Variants in PSMD5 observed in about 807,000 individuals in gnomAD.
PSMD5 encodes proteasome 26S subunit, non-ATPase 5, also known as 26S proteasome non-ATPase regulatory subunit 5.
In PSMD5, 40 loss-of-function variants were observed where a neutral mutation model predicts 52.1. The ratio of observed to expected loss-of-function variants is 0.77; its 90% CI spans 0.60 to 1.00. The LOEUF is 1.00. Among genes scored for constraint, PSMD5 ranks in the 50% least tolerant of loss-of-function variants. PSMD5 has a pLI of 0.00. For missense variants in PSMD5, 575 were observed against 605.2 expected (o/e 0.95, Z 0.52); for synonymous variants, 211 against 226.6 (o/e 0.93, Z 0.62).
chr9:120,842,548 GCAC>G, intron 1 of PSMD5, 186 bp downstream of exon 1: 1 of 669,890 alleles, frequency 1.5e-6, no homozygotes, highest in Non-Finnish European at 2.5e-6. Flanking sequence ...ACACCCTGGG[GCAC>G]TCTCAGAGGC....
chr9:120,841,027 C>T (rs1194466288), intron 1 of PSMD5, among the ~76,000 whole-genome samples: 1 of 152,146 alleles, frequency 6.6e-6, no homozygotes, highest in Non-Finnish European at 1.5e-5. Flanking sequence ...GTTGGGAATA[C>T]AGGCGTGAGC....
intron 1 of PSMD5, among the ~76,000 whole-genome samples, chr9:120,834,251 A>G (rs559798707): frequency 6.6e-6 from 1 of 152,242 alleles, no homozygotes; most frequent in South Asian, 2.1e-4. Context: ...AAGTGCTGGG[A>G]TTACAGGTGT....
chr9:120,842,877 C>T lies in PSMD5; in HGVS notation c.33G>A (p.Glu11=), dbSNP rs375495251. 6.3e-6 allele frequency: 10 copies of T among 1,599,916 alleles called. No homozygotes were observed. In the African/African-American group the frequency reaches 9.4e-5, roughly 15 times the overall value. ...CCAGCGGCGCTTCCAGCCTCGCTAC[C>T]TCTCTCAGCAGCGCCAAAGCCTGGG... MAAQALALLR[E]VARLEAPLEE... The change falls in exon 1 of 10, where the codon GAG becomes GAA. Residue 11 remains glutamate, a synonymous_variant. Transcript: ENST00000210313.
At chr9:120,818,205 A>C in intron 9 of PSMD5, 42 bp from the exon 10 acceptor site, 1 of 1,568,572 alleles carries the variant, frequency 6.4e-7, no homozygotes, top group Non-Finnish European at 8.7e-7. Context: ...CCTGAGTGGA[A>C]GTTGTTTGTT....
chr9:120,827,907 G>A (rs187319508), intron 5 of PSMD5, among the ~76,000 whole-genome samples: 5 of 152,328 alleles, frequency 3.3e-5, no homozygotes, highest in East Asian at 1.9e-4. Flanking sequence ...AGGGAATAGC[G>A]GGTGGAAGAG....
Position 120,824,619 on chromosome 9 carries a change from G to C in PSMD5, c.881C>G (p.Pro294Arg). Residue 294 changes from proline (P) to arginine (R), a missense_variant, in exon 7 of 10, where the codon CCT becomes CGT. Pro to Arg is a moderately radical substitution (Grantham distance 103, BLOSUM62 -2). Transcript: ENST00000210313. ...DSPQQICERYPIFVEKVFEMI... is the reference protein window; with the variant it reads ...DSPQQICERYRIFVEKVFEMI... ...TTCAAAGACTTTTTCCACAAAGATA[G>C]GATAACGCTCACAGATCTGTTGAGG... 2 of 1,614,150 alleles carry C rather than the reference G, an allele frequency of 1.2e-6. No homozygotes were observed. Among genetic ancestry groups the C allele is most frequent in the South Asian group, 1.1e-5 (1 of 91,082 alleles).
At chr9:120,820,289 G>A (rs1369295237) in intron 9 of PSMD5, among the ~76,000 whole-genome samples, 1 of 152,156 alleles carries the variant, frequency 6.6e-6, no homozygotes, top group Non-Finnish European at 1.5e-5. Context: ...GAGCAAAAAC[G>A]GAAACTCAAC....
intron 7 of PSMD5, among the ~76,000 whole-genome samples, chr9:120,821,953 T>C (rs1312032150): frequency 2.6e-5 from 4 of 152,246 alleles, no homozygotes; most frequent in Admixed American, 2.0e-4. Flanking sequence ...TTTTTGGTTA[T>C]TGTGAATAAC....
intron 1 of PSMD5, chr9:120,842,299 T>C (rs889309117): frequency 4.8e-5 from 8 of 165,626 alleles, no homozygotes; most frequent in African/African-American, 1.9e-4. Context: ...ATACTTGCAT[T>C]AAATTTTTTT....
At chr9:120,834,072 T>G (rs1588071308) in intron 1 of PSMD5, among the ~76,000 whole-genome samples, 1 of 143,168 alleles carries the variant, frequency 7.0e-6, no homozygotes. Flanking sequence ...CTCCGCCTCC[T>G]GGGTTCAAAC....
At chr9:120,824,360 C>A (rs2131423449) in intron 7 of PSMD5, 134 bp downstream of exon 7, 2 of 789,810 alleles carry the variant, frequency 2.5e-6, no homozygotes, top group Non-Finnish European at 4.4e-6. Flanking sequence ...GACATGAGTA[C>A]AAGGTCATGG....
rs748934003 is a variant in PSMD5, at chr9:120,824,206, T to C, written c.1006+288A>G. 3.4e-4 allele frequency: 138 copies of C among 404,098 alleles called. 1 individual carries two copies. The highest frequency in any genetic ancestry group is 8.1e-5 in the Non-Finnish European group (18 of 221,782). The allele number at this position is 404,098 out of a possible 1,614,324, so 25.0% of individuals were successfully genotyped here. ...GTGGTCTTTGTACCATGAAATCTAG[T>C]CAAAGAAGACATCATAGAGGGGAAA... On this transcript the variant is annotated intron_variant, in intron 7 of 9. Transcript: ENST00000210313.
In PSMD5 at chr9:120,842,656, G is replaced by A. The variant is rs187875375; in HGVS notation, c.173+81C>T. On this transcript the variant is annotated intron_variant, in intron 1 of 9. Transcript: ENST00000210313. ...CACCTCCCCTGTGACTGGGAAAAGC[G>A]CTGTTCTTGCCCTCAACCACTCTCA... The A allele has an allele frequency of 1.4e-4, 218 of 1,521,950 alleles. No homozygotes were observed. The Middle Eastern group carries it at 4.1e-3, about 29-fold the overall frequency. 94.3% of individuals were successfully genotyped at this position (1,521,950 alleles called of 1,614,324 possible).
Position 120,833,324 on chromosome 9 carries a change from G to C in PSMD5, c.306C>G (p.Leu102=), listed in dbSNP as rs1343310921. The change falls in exon 2 of 10, where the codon CTC becomes CTG. Residue 102 remains leucine, a synonymous_variant. Coordinates refer to ENST00000210313, the MANE Select transcript of PSMD5 (RefSeq NM_005047.4). ...LIHPDDSVKI[L]TLSQIGRIVE... is the part of the protein sequence containing the mutation. Reference sequence around the variant, plus strand: ...TAGAATTTCATACCTGGGAAAGAGTGAGGATTTTTACAGAATCATCAGGGT... The same window carrying C: ...TAGAATTTCATACCTGGGAAAGAGTCAGGATTTTTACAGAATCATCAGGGT... 2 of 1,613,890 alleles carry C rather than the reference G, an allele frequency of 1.2e-6. No individual in the cohort carries two copies. Among genetic ancestry groups the C allele is most frequent in the Admixed American group, 1.7e-5 (1 of 59,978 alleles).
intron 1 of PSMD5, among the ~76,000 whole-genome samples, chr9:120,833,975 CTT>C (rs34657179): frequency 1.4e-3 from 114 of 80,310 alleles, no homozygotes; most frequent in African/African-American, 5.3e-3. Context: ...CGCACCTGGC[CTT>C]TTTTTTTTTT....
intron 7 of PSMD5, among the ~76,000 whole-genome samples, chr9:120,823,510 C>CTTT (rs1263218977): frequency 5.7e-4 from 62 of 108,652 alleles, no homozygotes; most frequent in South Asian, 1.2e-3. Context: ...TACCTGGCCT[C>CTTT]TTTTTTTTTT....
chr9:120,838,574 A>C (rs76191020), intron 1 of PSMD5, among the ~76,000 whole-genome samples: 1 of 152,218 alleles, frequency 6.6e-6, no homozygotes, highest in Non-Finnish European at 1.5e-5. Context: ...CCAGAGAATT[A>C]TTCCCACAAG....
chr9:120,824,109 T>TAAAAAAA, intron 7 of PSMD5: 3 of 111,502 alleles, frequency 2.7e-5, no homozygotes, highest in Admixed American at 1.1e-4. Flanking sequence ...CTCAATCTCT[T>TAAAAAAA]AAAAAAAAAA....
intron 3 of PSMD5, 98 bp downstream of exon 3, chr9:120,831,734 C>T: frequency 6.7e-7 from 1 of 1,485,172 alleles, no homozygotes. Flanking sequence ...GCAAATCATC[C>T]ATTCTAAACC....
Sources: allele counts gnomAD v4.1 joint callset (sites outside exome capture counted in the v4.1 genomes callset), GRCh38; gene constraint gnomAD v4.1.1; transcripts MANE v1.5; gene names NCBI Gene and HGNC (gene_info 2026-07-23, HGNC 2026-07-21).